NALF1: variants seen among roughly 807,000 people sequenced by gnomAD.
NALF1 encodes NALCN channel auxiliary factor 1, also known as family with sequence similarity 155 member A.
Under a neutral mutation model 48.4 loss-of-function variants are expected in NALF1, and 3 were observed. That is an observed-to-expected ratio of 0.06 (90% CI 0.03 to 0.16). The LOEUF (loss-of-function observed/expected upper bound fraction) is 0.16, where lower values mean the gene tolerates loss of function less well. Ranked by LOEUF, NALF1 falls within the 10% of genes least tolerant of loss-of-function variation. The probability of loss-of-function intolerance (pLI) is 1.00; values close to 1 mark genes in which losing one functional copy is unlikely to be tolerated. For missense variants in NALF1, 526 were observed against 571.5 expected (o/e 0.92, Z 0.81); for synonymous variants, 262 against 245.7 (o/e 1.07, Z -0.62).
At chr13:107,474,506 C>T (rs1885148932) in intron 1 of NALF1, among the ~76,000 whole-genome samples, 2 of 152,098 alleles carry the variant, frequency 1.3e-5, no homozygotes, top group African/African-American at 4.8e-5. Context: ...CAAAAATATG[C>T]TAGATTATTT....
intron 1 of NALF1, among the ~76,000 whole-genome samples, chr13:107,516,865 G>A (rs1247704021): frequency 6.6e-6 from 1 of 152,222 alleles, no homozygotes; most frequent in East Asian, 1.9e-4. Context: ...TTGCAAAAGT[G>A]GACATGAATT....
chr13:107,516,244 G>C (rs1415212021), intron 1 of NALF1, among the ~76,000 whole-genome samples: 1 of 152,162 alleles, frequency 6.6e-6, no homozygotes, highest in Non-Finnish European at 1.5e-5. Flanking sequence ...GTCAGGGTCT[G>C]AGAACGCAGA....
At chr13:107,296,153 C>T (rs959101975) in intron 1 of NALF1, among the ~76,000 whole-genome samples, 2 of 152,258 alleles carry the variant, frequency 1.3e-5, no homozygotes, top group Admixed American at 1.3e-4. Context: ...AAAAATTACA[C>T]AATATCATCA....
chr13:107,759,784 G>C (rs185395414), intron 1 of NALF1, among the ~76,000 whole-genome samples: 47 of 151,166 alleles, frequency 3.1e-4, no homozygotes, highest in African/African-American at 1.1e-3. Context: ...TTTTTTCTGG[G>C]ACTTAGTTAA....
chr13:107,562,918 T>C (rs570510155), intron 1 of NALF1, among the ~76,000 whole-genome samples: 1 of 152,314 alleles, frequency 6.6e-6, no homozygotes, highest in South Asian at 2.1e-4. Flanking sequence ...ACTTCCTAAC[T>C]GCCAAAGTTG....
intron 2 of NALF1, among the ~76,000 whole-genome samples, chr13:107,182,575 T>C (rs1879089401): frequency 6.6e-6 from 1 of 152,180 alleles, no homozygotes; most frequent in Non-Finnish European, 1.5e-5. Context: ...CGGCCCTATG[T>C]GACCATACTT....
At position 107,168,393 on chromosome 13, in the gene NALF1, CA is replaced by C. The variant is rs1878711331; in HGVS notation, c.*2103del. Reference sequence around the variant, plus strand: ...GTCTCCCCCGAGCCATTCACTTCCTCAGCTTGTGTCCCCAGAAAAGCACCAT... The same window carrying C: ...GTCTCCCCCGAGCCATTCACTTCCTCGCTTGTGTCCCCAGAAAAGCACCAT... On this transcript the variant is annotated 3_prime_UTR_variant, in exon 3 of 3. Transcript: ENST00000375915. 6.6e-6 allele frequency: 1 copy of C among 152,224 alleles called. No homozygotes were observed. The highest frequency in any genetic ancestry group is 2.1e-4 in the South Asian group (1 of 4,826). 9.4% of individuals were successfully genotyped at this position (152,224 alleles called of 1,614,324 possible).
At chr13:107,458,412 C>T (rs1042519385) in intron 1 of NALF1, among the ~76,000 whole-genome samples, 18 of 152,194 alleles carry the variant, frequency 1.2e-4, no homozygotes, top group South Asian at 2.1e-4. Context: ...TGTGCCAATG[C>T]GCAGAGGCAG....
intron 1 of NALF1, among the ~76,000 whole-genome samples, chr13:107,366,557 T>C (rs1261311320): frequency 3.3e-5 from 5 of 152,218 alleles, no homozygotes; most frequent in African/African-American, 1.2e-4. Context: ...CCATTTATTT[T>C]ATTCCTTCCA....
chr13:107,531,822 CAA>C (rs1304800549), intron 1 of NALF1, among the ~76,000 whole-genome samples: 1 of 151,780 alleles, frequency 6.6e-6, no homozygotes, highest in African/African-American at 2.4e-5. Flanking sequence ...TTAGATATGC[CAA>C]AGTTTTGTGT....
In NALF1 at chr13:107,351,680, G is replaced by A. The variant is rs1307901384; in HGVS notation, c.916-140925C>T. On this transcript the variant is annotated intron_variant, in intron 1 of 2. Coordinates refer to ENST00000375915, the MANE Select transcript of NALF1 (RefSeq NM_001080396.3). ...TTCCCTCACCGGATGCACTGGTGGC[G>A]TGCCATTCTATCCATTCCAGATTAT... Among the ~76,000 whole-genome samples, 7 of 152,196 alleles carry A rather than the reference G, an allele frequency of 4.6e-5. 1 individual carries two copies. Among genetic ancestry groups the A allele is most frequent in the Non-Finnish European group, 1.0e-4 (7 of 68,034 alleles).
intron 1 of NALF1, among the ~76,000 whole-genome samples, chr13:107,411,066 A>G (rs1257079074): frequency 6.6e-6 from 1 of 152,148 alleles, no homozygotes; most frequent in East Asian, 1.9e-4. Context: ...GGATGTGGAA[A>G]TAATACGTTT....
intron 1 of NALF1, among the ~76,000 whole-genome samples, chr13:107,372,747 A>G (rs890694955): frequency 2.0e-5 from 3 of 152,236 alleles, no homozygotes; most frequent in African/African-American, 7.2e-5. Context: ...CCAATCTGTT[A>G]TCAAACATGC....
intron 1 of NALF1, among the ~76,000 whole-genome samples, chr13:107,492,364 A>G (rs1343893966): frequency 6.6e-6 from 1 of 152,194 alleles, no homozygotes; most frequent in East Asian, 1.9e-4. Context: ...CCTGTCTTAA[A>G]CTTACCCTCA....
intron 1 of NALF1, among the ~76,000 whole-genome samples, chr13:107,589,027 G>A (rs1410120010): frequency 6.6e-6 from 1 of 152,032 alleles, no homozygotes; most frequent in Non-Finnish European, 1.5e-5. Context: ...CAGGACAGGG[G>A]AGAGCAAACA....
chr13:107,234,312 G>T (rs1291886182), intron 1 of NALF1, among the ~76,000 whole-genome samples: 1 of 152,150 alleles, frequency 6.6e-6, no homozygotes, highest in African/African-American at 2.4e-5. Flanking sequence ...CTTTCACCAG[G>T]GAGATGCTCG....
intron 1 of NALF1, among the ~76,000 whole-genome samples, chr13:107,600,147 C>T (rs906657723): frequency 6.6e-6 from 1 of 152,206 alleles, no homozygotes; most frequent in East Asian, 1.9e-4. Context: ...GTAAGAAAAT[C>T]ACCATGGCAT....
At chr13:107,281,297 T>C (rs914116228) in intron 1 of NALF1, among the ~76,000 whole-genome samples, 2 of 152,108 alleles carry the variant, frequency 1.3e-5, no homozygotes, top group Admixed American at 6.5e-5. Context: ...ACTGATGAAA[T>C]GCCATGGGGA....
chr13:107,488,633 A>C (rs1443168735), intron 1 of NALF1, among the ~76,000 whole-genome samples: 4 of 152,172 alleles, frequency 2.6e-5, no homozygotes, highest in African/African-American at 9.7e-5. Context: ...TTAAAATAAT[A>C]AGAGCCGTAT....
Sources: gnomAD v4.1 joint callset for allele counts (sites outside exome capture counted in the v4.1 genomes callset) on GRCh38, gnomAD v4.1.1 for gene constraint, MANE v1.5 for transcripts, NCBI Gene and HGNC (gene_info 2026-07-23, HGNC 2026-07-21) for gene names.